FAM227B: variants seen among roughly 807,000 people sequenced by gnomAD.
FAM227B encodes the protein family with sequence similarity 227 member B, also known as protein FAM227B.
A neutral mutation model predicts 73.8 loss-of-function variants in FAM227B; 88 were observed. That is an observed-to-expected ratio of 1.19 (90% CI 1.00 to 1.42). The LOEUF is 1.42. Ranked by LOEUF, FAM227B falls within the 40% of genes most tolerant of loss-of-function variation. The pLI, the probability that FAM227B is intolerant of heterozygous loss-of-function variation, is 0.00. For synonymous variants in FAM227B, 210 were observed against 190.5 expected (o/e 1.10, Z -0.84); for missense variants, 632 against 590.9 (o/e 1.07, Z -0.72).
intron 11 of FAM227B, among the ~76,000 whole-genome samples, chr15:49,435,903 T>C (rs976614620): frequency 1.3e-5 from 2 of 151,598 alleles, no homozygotes; most frequent in African/African-American, 4.8e-5. Context: ...AACATTTTTA[T>C]TGAGTGAATA....
At chr15:49,366,601 T>C in intron 13 of FAM227B, 1 of 1,600,688 alleles carries the variant, frequency 6.2e-7, no homozygotes, top group Non-Finnish European at 8.6e-7. Flanking sequence ...CATGCAAGAT[T>C]GCTTCCTGAG....
At chr15:49,558,893 C>T (rs2073995365) in intron 9 of FAM227B, among the ~76,000 whole-genome samples, 1 of 152,128 alleles carries the variant, frequency 6.6e-6, no homozygotes, top group Non-Finnish European at 1.5e-5. Context: ...ACCACCAGAA[C>T]CAAAACTCAC....
chr15:49,582,212 A>G (rs1348526739), intron 5 of FAM227B, among the ~76,000 whole-genome samples: 2 of 152,238 alleles, frequency 1.3e-5, no homozygotes, highest in African/African-American at 4.8e-5. Flanking sequence ...ACCAAGATCC[A>G]CTAGTACGCT....
rs1567085537 is a variant in FAM227B, at chr15:49,332,090, CACA to C, written c.1350-244_1350-242del. Reference sequence around the variant, plus strand: ...CCCCGCTGCATGTGCACACGTGCCACACACACACACACACACACACACACACAC... The same window carrying C: ...CCCCGCTGCATGTGCACACGTGCCACCACACACACACACACACACACACAC... On this transcript the variant is annotated intron_variant, in intron 14 of 15. Coordinates refer to ENST00000299338, the MANE Select transcript of FAM227B (RefSeq NM_152647.3). 7.1e-3 allele frequency among the ~76,000 whole-genome samples: 430 copies of C among 60,906 alleles called. 5 individuals are homozygous for C. Among genetic ancestry groups the C allele is most frequent in the African/African-American group, 0.054 (389 of 7,270 alleles). 40.0% of individuals were successfully genotyped at this position (60,906 alleles called of 152,430 possible). A position where few individuals can be genotyped will look rare whatever the true frequency, so the allele number is the denominator to read the frequency against.
chr15:49,441,010 T>C (rs1219728522), intron 11 of FAM227B, among the ~76,000 whole-genome samples: 1 of 151,836 alleles, frequency 6.6e-6, no homozygotes, highest in Non-Finnish European at 1.5e-5. Context: ...ATGTTTTATC[T>C]TTCAAAGTGT....
chr15:49,521,068 G>A (rs1032682596), intron 10 of FAM227B, among the ~76,000 whole-genome samples: 35 of 152,290 alleles, frequency 2.3e-4, no homozygotes, highest in African/African-American at 5.8e-4. Context: ...GCCAGATTGT[G>A]CATGTGTGTT....
chr15:49,561,029 A>G (rs2074214892), intron 9 of FAM227B, among the ~76,000 whole-genome samples: 1 of 152,194 alleles, frequency 6.6e-6, no homozygotes, highest in African/African-American at 2.4e-5. Flanking sequence ...TCACATATCA[A>G]TACTTACTTT....
At chr15:49,381,024 G>A (rs951076223) in intron 11 of FAM227B, among the ~76,000 whole-genome samples, 7 of 152,288 alleles carry the variant, frequency 4.6e-5, no homozygotes, top group Non-Finnish European at 7.4e-5. Context: ...GGCAAAGGAG[G>A]AGCCCATGTG....
At chr15:49,489,899 G>C (rs1409488321) in intron 11 of FAM227B, among the ~76,000 whole-genome samples, 1 of 28,614 alleles carries the variant, frequency 3.5e-5, no homozygotes, top group African/African-American at 7.3e-5. Context: ...GAGAGAGAGA[G>C]AGAGAGAGAG....
chr15:49,576,981 TA>T, intron 6 of FAM227B, 136 bp from the exon 7 acceptor site: 1 of 585,576 alleles, frequency 1.7e-6, no homozygotes, highest in Non-Finnish European at 3.0e-6. Context: ...CTAAATTAAC[TA>T]AAAATTATAT....
intron 11 of FAM227B, 37 bp downstream of exon 11, chr15:49,508,174 C>T: frequency 1.9e-6 from 3 of 1,576,986 alleles, no homozygotes; most frequent in South Asian, 1.2e-5. Context: ...ATTTTTGCTA[C>T]CTATTCCATT....
chr15:49,461,383 T>C (rs2053782254), intron 11 of FAM227B, among the ~76,000 whole-genome samples: 1 of 152,232 alleles, frequency 6.6e-6, no homozygotes, highest in Non-Finnish European at 1.5e-5. Flanking sequence ...TATGCAGATT[T>C]GAAAAACATT....
chr15:49,353,811 A>AT (rs2042623180), intron 13 of FAM227B: 1 of 152,144 alleles, frequency 6.6e-6, no homozygotes, highest in African/African-American at 2.4e-5. Context: ...ATTTCAGCTA[A>AT]TTTATCCTTT....
intron 10 of FAM227B, among the ~76,000 whole-genome samples, chr15:49,530,920 AAATAT>A (rs1419591451): frequency 1.3e-5 from 2 of 151,760 alleles, no homozygotes; most frequent in Admixed American, 6.6e-5. Flanking sequence ...ATAGAATCAC[AAATAT>A]AATACATAGA....
At chr15:49,493,025 C>A (rs1228747094) in intron 11 of FAM227B, among the ~76,000 whole-genome samples, 1 of 151,778 alleles carries the variant, frequency 6.6e-6, no homozygotes, top group Non-Finnish European at 1.5e-5. Context: ...TGTCCTGAAT[C>A]TTCTTCTTGA....
intron 11 of FAM227B, among the ~76,000 whole-genome samples, chr15:49,462,081 T>C (rs1050361988): frequency 6.6e-6 from 1 of 152,052 alleles, no homozygotes; most frequent in African/African-American, 2.4e-5. Context: ...ATCGTGCCAC[T>C]GTACTCCAGC....
At chr15:49,370,897 T>C in intron 12 of FAM227B, among the ~76,000 whole-genome samples, 1 of 152,188 alleles carries the variant, frequency 6.6e-6, no homozygotes, top group East Asian at 1.9e-4. Flanking sequence ...TGGTCAATTA[T>C]TCTAGGACCA....
At chr15:49,619,076 G>A (rs545169122) in intron 1 of FAM227B, among the ~76,000 whole-genome samples, 11 of 152,132 alleles carry the variant, frequency 7.2e-5, no homozygotes, top group African/African-American at 2.7e-4. Flanking sequence ...GCTAGTCCTA[G>A]AAGGCAGCAG....
intron 11 of FAM227B, among the ~76,000 whole-genome samples, chr15:49,436,689 C>T (rs79404431): frequency 6.6e-6 from 1 of 151,380 alleles, no homozygotes; most frequent in Non-Finnish European, 1.5e-5. Context: ...AATTAAGTAA[C>T]TTGCTCTAGG....
Sources: allele counts gnomAD v4.1 joint callset (sites outside exome capture counted in the v4.1 genomes callset), GRCh38; gene constraint gnomAD v4.1.1; transcripts MANE v1.5; gene names NCBI Gene and HGNC (gene_info 2026-07-23, HGNC 2026-07-21).